The following SYT1 variants were observed in gnomAD, a reference collection of about 807,000 sequenced individuals.
SYT1 encodes the protein synaptotagmin-1.
In SYT1, 8 loss-of-function variants were observed where a neutral mutation model predicts 44.8. The ratio of observed to expected loss-of-function variants is 0.18; its 90% CI spans 0.10 to 0.32. SYT1 has a LOEUF of 0.32. SYT1 is among the 10% of genes least tolerant of loss of function. The pLI is 1.00. For missense variants in SYT1, 286 were observed against 509.3 expected, an observed-to-expected ratio of 0.56 and a Z score of 4.22; for synonymous variants, 154 against 188.8, an observed-to-expected ratio of 0.82 and a Z score of 1.51.
At chr12:78,930,518 A>AT (rs1331164985) in intron 1 of SYT1, among the ~76,000 whole-genome samples, 14 of 152,058 alleles carry the variant, frequency 9.2e-5, no homozygotes, top group African/African-American at 3.4e-4. Flanking sequence ...TGACTCAGAG[A>AT]TTTTTAGAAA....
intron 8 of SYT1, chr12:79,341,158 C>A (rs920480960): frequency 6.6e-6 from 1 of 152,106 alleles, no homozygotes; most frequent in South Asian, 2.1e-4. Flanking sequence ...TTTCTACAAA[C>A]CACAGATTTT....
intron 2 of SYT1, among the ~76,000 whole-genome samples, chr12:79,030,798 A>G (rs1201599157): frequency 6.6e-6 from 1 of 151,160 alleles, no homozygotes; most frequent in Non-Finnish European, 1.5e-5. Flanking sequence ...ATACACTTTT[A>G]TGTTTAAATT....
At chr12:79,305,778 C>A (rs1880364636) in intron 8 of SYT1, among the ~76,000 whole-genome samples, 1 of 152,138 alleles carries the variant, frequency 6.6e-6, no homozygotes, top group Admixed American at 6.6e-5. Context: ...TCACTGCAAC[C>A]CCCCGCCTCC....
chr12:78,913,661 C>T (rs537932846), intron 1 of SYT1, among the ~76,000 whole-genome samples: 4 of 151,780 alleles, frequency 2.6e-5, no homozygotes, highest in Non-Finnish European at 2.9e-5. Context: ...TTATGCTTTG[C>T]TTGATTGATA....
chr12:78,992,232 G>A (rs1205716696), intron 2 of SYT1, among the ~76,000 whole-genome samples: 2 of 152,188 alleles, frequency 1.3e-5, no homozygotes, highest in Non-Finnish European at 2.9e-5. Flanking sequence ...TAGGCAAAGT[G>A]ACTAAGCTCT....
chr12:79,431,885 T>C (rs1232326357), intron 9 of SYT1, among the ~76,000 whole-genome samples: 2 of 152,156 alleles, frequency 1.3e-5, no homozygotes, highest in African/African-American at 4.8e-5. Flanking sequence ...TTTTATTTTC[T>C]CCTTCTAATA....
chr12:79,247,376 A>G (rs1306191686), intron 4 of SYT1, among the ~76,000 whole-genome samples: 3 of 152,188 alleles, frequency 2.0e-5, no homozygotes, highest in Non-Finnish European at 4.4e-5. Flanking sequence ...TTTTCTTATA[A>G]TTGGACTTTA....
At chr12:79,382,299 T>C (rs1218440100) in intron 9 of SYT1, among the ~76,000 whole-genome samples, 1 of 152,216 alleles carries the variant, frequency 6.6e-6, no homozygotes, top group Non-Finnish European at 1.5e-5. Context: ...GCTTTCTGTA[T>C]GATACTTCAT....
At chr12:78,940,653 G>A (rs895502886) in intron 1 of SYT1, among the ~76,000 whole-genome samples, 4 of 152,108 alleles carry the variant, frequency 2.6e-5, no homozygotes, top group African/African-American at 9.7e-5. Context: ...CTCCCAAAGT[G>A]CTGGGGTTAC....
chr12:79,388,248 C>G (rs1884515122), intron 9 of SYT1, among the ~76,000 whole-genome samples: 1 of 152,192 alleles, frequency 6.6e-6, no homozygotes, highest in Non-Finnish European at 1.5e-5. Flanking sequence ...CAATAGTTTT[C>G]TAGTTCCTTG....
At chr12:79,065,719 CCACT>C (rs1875794452) in intron 3 of SYT1, among the ~76,000 whole-genome samples, 2 of 151,960 alleles carry the variant, frequency 1.3e-5, no homozygotes, top group Admixed American at 1.3e-4. Flanking sequence ...AAATGTGCTC[CCACT>C]ATTTGTTGAG....
chr12:79,345,085 G>T (rs555487899), intron 8 of SYT1, among the ~76,000 whole-genome samples: 10 of 151,988 alleles, frequency 6.6e-5, no homozygotes, highest in African/African-American at 1.9e-4. Flanking sequence ...ACTTCCTGCC[G>T]AACCTTCCTT....
intron 1 of SYT1, among the ~76,000 whole-genome samples, chr12:78,971,649 C>A (rs562587553): frequency 2.6e-5 from 4 of 152,076 alleles, no homozygotes; most frequent in Non-Finnish European, 5.9e-5. Context: ...AATAATGAAG[C>A]TAAAACGTGT....
At chr12:79,279,179 T>A (rs1271207701) in intron 4 of SYT1, among the ~76,000 whole-genome samples, 1 of 151,802 alleles carries the variant, frequency 6.6e-6, no homozygotes. Context: ...ATCACCCTAA[T>A]AACCAAGCCA....
intron 3 of SYT1, among the ~76,000 whole-genome samples, chr12:79,173,412 C>T (rs554570696): frequency 4.2e-4 from 64 of 152,176 alleles, no homozygotes; most frequent in African/African-American, 1.5e-3. Context: ...CTCCCCACTG[C>T]CCCACCTGGG....
At chr12:79,264,926 A>G (rs1245021676) in intron 4 of SYT1, among the ~76,000 whole-genome samples, 10 of 152,184 alleles carry the variant, frequency 6.6e-5, no homozygotes, top group East Asian at 1.9e-4. Context: ...AGCAATCTTT[A>G]CTTTAGAACC....
intron 3 of SYT1, among the ~76,000 whole-genome samples, chr12:79,197,920 G>T (rs931874158): frequency 6.6e-6 from 1 of 151,918 alleles, no homozygotes; most frequent in Non-Finnish European, 1.5e-5. Flanking sequence ...ATACAACTAA[G>T]ACAGCTAAGA....
chr12:79,242,282 G>A (rs1048176267), intron 4 of SYT1, among the ~76,000 whole-genome samples: 2 of 152,172 alleles, frequency 1.3e-5, no homozygotes, highest in African/African-American at 4.8e-5. Flanking sequence ...TCCTGAAGGA[G>A]AGAATGTCCC....
intron 4 of SYT1, among the ~76,000 whole-genome samples, chr12:79,259,353 T>C (rs1877703816): frequency 6.6e-6 from 1 of 152,220 alleles, no homozygotes; most frequent in Admixed American, 6.5e-5. Context: ...AAATTGTATT[T>C]CCTCTATATT....
Sources: allele counts gnomAD v4.1 joint callset (sites outside exome capture counted in the v4.1 genomes callset), GRCh38; gene constraint gnomAD v4.1.1; transcripts MANE v1.5; gene names NCBI Gene and HGNC (gene_info 2026-07-23, HGNC 2026-07-21).